Variants in CTTN observed in about 807,000 individuals in gnomAD.
CTTN encodes cortactin.
A neutral mutation model predicts 84.0 loss-of-function variants in CTTN; 28 were observed. That is an observed-to-expected ratio of 0.33 (90% CI 0.25 to 0.46). The LOEUF (loss-of-function observed/expected upper bound fraction) is 0.46, where lower values mean the gene tolerates loss of function less well. Ranked by LOEUF, CTTN falls within the 20% of genes least tolerant of loss-of-function variation. The probability of loss-of-function intolerance (pLI) is 1.00; values close to 1 mark genes in which losing one functional copy is unlikely to be tolerated. For missense variants in CTTN, 641 were observed against 723.8 expected (o/e 0.89, Z 1.31); for synonymous variants, 301 against 288.8 (o/e 1.04, Z -0.43).
At position 70,435,582 on chromosome 11, in the gene CTTN, A is replaced by C. The variant is rs781053306; in HGVS notation, c.*420A>C. 153 of 1,566,554 alleles carry C rather than the reference A, an allele frequency of 9.8e-5. No homozygotes were observed. The highest frequency in any genetic ancestry group is 1.2e-4 in the Non-Finnish European group (144 of 1,163,336). ...TCGGCCCTGTGGCGGGTAGGCAGGA[A>C]GGACTGTCCCAGACGAGGGGCTTCC... On this transcript the variant is annotated 3_prime_UTR_variant, in exon 18 of 18. Transcript: ENST00000301843.
chr11:70,419,709 G>C, intron 8 of CTTN, 37 bp from the exon 9 acceptor site: 1 of 1,537,136 alleles, frequency 6.5e-7, no homozygotes, highest in Non-Finnish European at 8.9e-7. Context: ...TGATTTCGTT[G>C]CTCCTTTTAA....
intron 13 of CTTN, 91 bp downstream of exon 13, chr11:70,425,492 A>G: frequency 1.1e-6 from 1 of 899,796 alleles, no homozygotes; most frequent in Non-Finnish European, 1.8e-6. Context: ...GAGCAGATGC[A>G]CCACTAGTTG....
chr11:70,417,268 C>G, intron 8 of CTTN, 145 bp downstream of exon 8: 2 of 657,734 alleles, frequency 3.0e-6, no homozygotes, highest in South Asian at 1.8e-5. Flanking sequence ...TGGGCTTTTC[C>G]TAATTCGAAT....
intron 5 of CTTN, among the ~76,000 whole-genome samples, chr11:70,411,449 C>T (rs555487456): frequency 6.6e-6 from 1 of 152,032 alleles, no homozygotes; most frequent in Non-Finnish European, 1.5e-5. Context: ...CACGGACAGA[C>T]GGAATCCATG....
Position 70,422,491 on chromosome 11 carries a change from T to G in CTTN, c.902-449T>G, listed in dbSNP as rs1172116973. 2.3e-6 allele frequency: 3 copies of G among 1,288,992 alleles called. No individual in the cohort carries two copies. In the South Asian group the frequency reaches 3.7e-5, roughly 16 times the overall value. The allele number at this position is 1,288,992 out of a possible 1,614,324, so 79.8% of individuals were successfully genotyped here. On this transcript the variant is annotated intron_variant, in intron 11 of 17. Transcript: ENST00000301843. ...GCTGGTAGAATTTCCACATGGATTT[T>G]TTTTTTCTCTTAAAAAGCAAGAGAA...
intron 17 of CTTN, among the ~76,000 whole-genome samples, chr11:70,434,502 G>T (rs539404513): frequency 6.6e-6 from 1 of 152,278 alleles, no homozygotes; most frequent in Non-Finnish European, 1.5e-5. Context: ...GGCCGTCCCC[G>T]TTCAGTGCCT....
intron 12 of CTTN, among the ~76,000 whole-genome samples, chr11:70,423,658 G>A (rs1192348514): frequency 2.0e-5 from 3 of 152,200 alleles, no homozygotes; most frequent in South Asian, 2.1e-4. Flanking sequence ...GAGGGGCGAG[G>A]TGTGGGCCTG....
chr11:70,415,766 G>A (rs780148479), intron 7 of CTTN, 49 bp downstream of exon 7: 2 of 1,589,132 alleles, frequency 1.3e-6, no homozygotes, highest in Admixed American at 1.7e-5. Context: ...GCCCCGATGG[G>A]GAGAGTCACA....
chr11:70,401,307 A>G (rs1309521121), intron 1 of CTTN, among the ~76,000 whole-genome samples: 2 of 89,480 alleles, frequency 2.2e-5, no homozygotes, highest in African/African-American at 7.3e-5. Context: ...CGTCTCTACT[A>G]AAAAAAAAAA....
intron 4 of CTTN, among the ~76,000 whole-genome samples, chr11:70,408,799 G>T (rs2058070842): frequency 6.6e-6 from 1 of 152,166 alleles, no homozygotes; most frequent in Non-Finnish European, 1.5e-5. Context: ...CCGTGCGGCT[G>T]CCCAGGACAA....
intron 5 of CTTN, among the ~76,000 whole-genome samples, chr11:70,411,478 A>C (rs923848815): frequency 4.6e-5 from 7 of 152,234 alleles, no homozygotes; most frequent in Non-Finnish European, 7.3e-5. Context: ...GCAGTGAACG[A>C]AGCAAGTAGA....
intron 6 of CTTN, 81 bp from the exon 7 acceptor site, chr11:70,415,582 T>C (rs1380707021): frequency 8.0e-7 from 1 of 1,244,042 alleles, no homozygotes; most frequent in East Asian, 2.3e-5. Context: ...TTAAATGTCA[T>C]GTCATGAATT....
In CTTN at chr11:70,436,522, C is replaced by A. The variant is rs1426090794; in HGVS notation, c.*1360C>A. ...GTATCTGAATTCCTGTAGCACACCTCATAGGTATGATTTTTTTAAATTAAA... is the reference window on the plus strand; with the variant it reads ...GTATCTGAATTCCTGTAGCACACCTAATAGGTATGATTTTTTTAAATTAAA... On this transcript the variant is annotated 3_prime_UTR_variant, in exon 18 of 18. Coordinates refer to ENST00000301843, the MANE Select transcript of CTTN (RefSeq NM_005231.4). 2 of 859,748 alleles carry A rather than the reference C, an allele frequency of 2.3e-6. No individual in the cohort carries two copies. Among genetic ancestry groups the A allele is most frequent in the Non-Finnish European group, 3.6e-6 (2 of 553,622 alleles). The allele number at this position is 859,748 out of a possible 1,614,324, so 53.3% of individuals were successfully genotyped here.
intron 14 of CTTN, among the ~76,000 whole-genome samples, chr11:70,430,378 C>T (rs1591450772): frequency 6.6e-6 from 1 of 152,242 alleles, no homozygotes; most frequent in African/African-American, 2.4e-5. Flanking sequence ...TCTTATAGCT[C>T]TGGAGGTCAG....
intron 7 of CTTN, 132 bp from the exon 8 acceptor site, chr11:70,416,881 G>A (rs2135570800): frequency 1.4e-6 from 1 of 707,550 alleles, no homozygotes; most frequent in East Asian, 2.6e-5. Context: ...TGGGTGGCTT[G>A]TTGTACATTT....
At chr11:70,422,803 C>G (rs961166632) in intron 11 of CTTN, 137 bp from the exon 12 acceptor site, 35 of 1,505,150 alleles carry the variant, frequency 2.3e-5, no homozygotes, top group Non-Finnish European at 3.1e-5. Context: ...GCAAGTGAAG[C>G]CTCGCTTGGC....
intron 1 of CTTN, among the ~76,000 whole-genome samples, chr11:70,404,275 G>A (rs1380120408): frequency 6.6e-6 from 1 of 152,160 alleles, no homozygotes; most frequent in Non-Finnish European, 1.5e-5. Flanking sequence ...GCCTGTGACC[G>A]GCTTGTTCCT....
At chr11:70,412,035 G>A (rs540297300) in intron 5 of CTTN, among the ~76,000 whole-genome samples, 2 of 152,012 alleles carry the variant, frequency 1.3e-5, no homozygotes, top group African/African-American at 2.4e-5. Context: ...CTAGCAGGGC[G>A]AGTCCAGCAA....
chr11:70,433,458 C>T (rs2058378507), intron 16 of CTTN, among the ~76,000 whole-genome samples, 180 bp downstream of exon 16: 1 of 152,174 alleles, frequency 6.6e-6, no homozygotes, highest in South Asian at 2.1e-4. Flanking sequence ...GGCATCGGCT[C>T]CTGTGCTGGG....
Sources: gnomAD v4.1 joint callset for allele counts (sites outside exome capture counted in the v4.1 genomes callset) on GRCh38, gnomAD v4.1.1 for gene constraint, MANE v1.5 for transcripts, NCBI Gene and HGNC (gene_info 2026-07-23, HGNC 2026-07-21) for gene names.